Variants in PATJ observed in about 807,000 individuals in gnomAD.
PATJ encodes the protein PATJ crumbs cell polarity complex component, also known as inaD-like protein.
PATJ carries 190 observed loss-of-function variants against 224.9 expected under a neutral mutation model. The ratio of observed to expected loss-of-function variants is 0.84; its 90% CI spans 0.75 to 0.95. The LOEUF is 0.95. Ranked by LOEUF, PATJ falls within the 40% of genes least tolerant of loss-of-function variation. PATJ has a pLI of 0.00. For missense variants in PATJ, 2,121 were observed against 2,270.3 expected, an observed-to-expected ratio of 0.93 and a Z score of 1.34; for synonymous variants, 769 against 820.3, an observed-to-expected ratio of 0.94 and a Z score of 1.07.
intron 17 of PATJ, among the ~76,000 whole-genome samples, chr1:61,849,273 C>T (rs1662446468): frequency 6.6e-6 from 1 of 152,136 alleles, no homozygotes; most frequent in Non-Finnish European, 1.5e-5. Flanking sequence ...TACAACACAG[C>T]CTAGAACTTT....
At chr1:61,833,136 T>C (rs373237946) in intron 16 of PATJ, among the ~76,000 whole-genome samples, 1 of 152,156 alleles carries the variant, frequency 6.6e-6, no homozygotes, top group African/African-American at 2.4e-5. Context: ...TCTCACCTTA[T>C]TTTCTAGTAA....
At chr1:61,774,382 A>T (rs1646802226) in intron 6 of PATJ, among the ~76,000 whole-genome samples, 1 of 152,210 alleles carries the variant, frequency 6.6e-6, no homozygotes, top group Non-Finnish European at 1.5e-5. Context: ...ATGTGAAGTA[A>T]TGCACATTTC....
chr1:61,759,634 C>T lies in PATJ; in HGVS notation c.-35-3224C>T, dbSNP rs1192329650. Among the ~76,000 whole-genome samples the T allele has an allele frequency of 3.3e-5, 5 of 152,212 alleles. No individual in the cohort carries two copies. The East Asian group carries it at 9.6e-4, about 29-fold the overall frequency. ...TGTTGTTCAGGCTGGTCTCGAGCTC[C>T]TGACCTCAAGTGATCCGCCTACCTT... On this transcript the variant is annotated intron_variant, in intron 1 of 43. Coordinates refer to ENST00000642238, the MANE Select transcript of PATJ (RefSeq NM_001350145.3).
chr1:61,971,232 C>T (rs551994318), intron 27 of PATJ, among the ~76,000 whole-genome samples: 7 of 152,322 alleles, frequency 4.6e-5, no homozygotes, highest in Admixed American at 4.6e-4. Flanking sequence ...AACCCCAAGT[C>T]ATTGTCTCTC....
rs531067153 is a variant in PATJ at position 62,064,151 on chromosome 1, T to G, written c.4125+13093T>G. On this transcript the variant is annotated intron_variant, in intron 31 of 43. Coordinates refer to ENST00000642238, the MANE Select transcript of PATJ (RefSeq NM_001350145.3). Reference sequence around the variant, plus strand: ...CTGTGAGTTTGTCAAAGATGGCTGTTAGTATTTTGAGGTACGTTCCTACAA... The same window carrying G: ...CTGTGAGTTTGTCAAAGATGGCTGTGAGTATTTTGAGGTACGTTCCTACAA... Among the ~76,000 whole-genome samples, 3 of 152,320 alleles carry G rather than the reference T, an allele frequency of 2.0e-5. No homozygotes were observed. In the East Asian group the frequency reaches 5.8e-4, roughly 29 times the overall value.
In PATJ at chr1:62,018,043, C is replaced by A; in HGVS notation, c.3959+96C>A. On this transcript the variant is annotated intron_variant, in intron 29 of 43. Transcript: ENST00000642238. This position sits in a 1 kb window ranked among gnomAD's most constrained non-coding sequence, Gnocchi z 4.2. ...TCATCTTTGATTTGTCTAGCGAAAT[C>A]ACTGTTCCTTCTAAAAACATATATT... is the stretch of plus-strand genomic sequence containing the variant. 1.5e-6 allele frequency: 1 copy of A among 671,676 alleles called. No homozygotes were observed. Among genetic ancestry groups the A allele is most frequent in the South Asian group, 1.9e-5 (1 of 52,942 alleles). The allele number at this position is 671,676 out of a possible 1,614,324, so 41.6% of individuals were successfully genotyped here. A position where few individuals can be genotyped will look rare whatever the true frequency, so the allele number is the denominator to read the frequency against.
chr1:62,089,671 CT>C (rs771741262), intron 33 of PATJ, among the ~76,000 whole-genome samples: 53 of 147,092 alleles, frequency 3.6e-4, no homozygotes, highest in South Asian at 1.1e-3. Flanking sequence ...TTTCATTTTT[CT>C]TTTTTTTTTT....
chr1:62,107,755 G>A (rs896107276), intron 33 of PATJ, among the ~76,000 whole-genome samples: 2 of 152,104 alleles, frequency 1.3e-5, no homozygotes, highest in Non-Finnish European at 2.9e-5. Flanking sequence ...TGAATCTGAA[G>A]AGATACAAAT....
intron 34 of PATJ, among the ~76,000 whole-genome samples, chr1:62,110,398 G>A (rs964651485): frequency 1.3e-5 from 2 of 152,124 alleles, no homozygotes; most frequent in Admixed American, 6.5e-5. Context: ...ATGAAACAGC[G>A]TAACACTACA....
Position 61,771,341 on chromosome 1 carries a change from A to G in PATJ, c.525-90A>G, listed in dbSNP as rs544547959. On this transcript the variant is annotated intron_variant, in intron 5 of 43. Coordinates refer to ENST00000642238, the MANE Select transcript of PATJ (RefSeq NM_001350145.3). ...TGATAAATGTACTAAGTAAAGTAGT[A>G]CCATAGGCAACAAACTGCTTAACTT... 1.8e-5 allele frequency: 12 copies of G among 671,260 alleles called. No homozygotes were observed. In the African/African-American group the frequency reaches 2.2e-4, roughly 12 times the overall value. The allele number at this position is 671,260 out of a possible 1,614,324, so 41.6% of individuals were successfully genotyped here. A position where few individuals can be genotyped will look rare whatever the true frequency, so the allele number is the denominator to read the frequency against.
chr1:62,134,086 T>C (rs2148966323), intron 41 of PATJ, among the ~76,000 whole-genome samples: 1 of 152,038 alleles, frequency 6.6e-6, no homozygotes, highest in East Asian at 1.9e-4. Flanking sequence ...GTATTGGTGA[T>C]GCTGCTAATT....
At chr1:61,810,699 AAAATAAATAAATAAATAAATAAAT>A (rs141039243) in intron 14 of PATJ, among the ~76,000 whole-genome samples, 3 of 144,004 alleles carry the variant, frequency 2.1e-5, no homozygotes, top group Non-Finnish European at 4.5e-5. Context: ...TCTGTCTCAA[AAAATAAATAAATAAATAAATAAAT>A]AAATAAATAA....
At chr1:61,871,459 A>ATATATATGTATATACGTATATATGCG (rs1666485188) in intron 20 of PATJ, among the ~76,000 whole-genome samples, 1 of 56,002 alleles carries the variant, frequency 1.8e-5, no homozygotes, top group African/African-American at 7.8e-5. Context: ...ATATATGCGT[A>ATATATATGTATATACGTATATATGCG]TATATATGTA....
rs184831712 is a variant in PATJ at position 61,805,552 on chromosome 1, A to T, written c.1626+28A>T. 818 of 1,302,584 alleles carry T rather than the reference A, an allele frequency of 6.3e-4. 7 individuals carry two copies. In the African/African-American group the frequency reaches 9.7e-3, roughly 15 times the overall value. The allele number at this position is 1,302,584 out of a possible 1,614,324, so 80.7% of individuals were successfully genotyped here. On this transcript the variant is annotated intron_variant, in intron 13 of 43. Coordinates refer to ENST00000642238, the MANE Select transcript of PATJ (RefSeq NM_001350145.3). ...ATGTTAAAATGCTCTAATAAAAAAC[A>T]TTCATGTCTCATTTCACATCAAGTT...
chr1:61,817,501 T>C (rs1040792499), intron 14 of PATJ, among the ~76,000 whole-genome samples: 19 of 152,168 alleles, frequency 1.2e-4, no homozygotes, highest in African/African-American at 3.6e-4. Flanking sequence ...CCATCTCTAC[T>C]AAAAATACAA....
At chr1:61,912,457 G>A (rs1303202106) in intron 25 of PATJ, among the ~76,000 whole-genome samples, 1 of 151,392 alleles carries the variant, frequency 6.6e-6, no homozygotes, top group Non-Finnish European at 1.5e-5. Context: ...AGCTGAGTGC[G>A]GTGGTTTACA....
At chr1:61,900,651 G>T (rs1023295102) in intron 23 of PATJ, among the ~76,000 whole-genome samples, 4 of 151,742 alleles carry the variant, frequency 2.6e-5, no homozygotes, top group African/African-American at 9.7e-5. Context: ...GTGCAGTGGC[G>T]CAATCTCGGC....
intron 3 of PATJ, among the ~76,000 whole-genome samples, chr1:61,763,418 G>T (rs1557598911): frequency 6.6e-6 from 1 of 151,702 alleles, no homozygotes; most frequent in Admixed American, 6.6e-5. Flanking sequence ...GGTAGTCCCA[G>T]CAACTCAGGA....
In PATJ at chr1:61,833,679, C is replaced by G. The variant is rs112258254; in HGVS notation, c.2006C>G (p.Thr669Ser). The G allele has an allele frequency of 6.2e-7, 1 of 1,612,956 alleles. No homozygotes were observed. Among genetic ancestry groups the G allele is most frequent in the African/African-American group, 1.3e-5 (1 of 74,846 alleles). Residue 669 changes from threonine (T) to serine (S), a missense_variant, in exon 17 of 44, where the codon ACT becomes AGT. Thr to Ser is a moderately conservative substitution (Grantham distance 58). Transcript: ENST00000642238. ...GTTGACCACAATATGGATGTCAATA[C>G]TGAAGAAGATGATGATGGGGAATTA... ...TEVDHNMDVN[T>S]EEDDDGELAL...
Sources: gnomAD v4.1 joint callset for allele counts (sites outside exome capture counted in the v4.1 genomes callset) on GRCh38, gnomAD v4.1.1 for gene constraint, Gnocchi (gnomAD v3.1) non-coding constraint, MANE v1.5 for transcripts, NCBI Gene and HGNC (gene_info 2026-07-23, HGNC 2026-07-21) for gene names.